TEX29: variants seen among roughly 807,000 people sequenced by gnomAD.
TEX29 encodes the protein testis-expressed protein 29.
A neutral mutation model predicts 18.2 loss-of-function variants in TEX29; 26 were observed. The ratio of observed to expected loss-of-function variants is 1.43; its 90% CI spans 1.04 to 1.98. TEX29 has a LOEUF of 1.98. Among genes scored for constraint, TEX29 ranks in the 30% most tolerant of loss-of-function variants. The pLI is 0.00. For synonymous variants in TEX29, 83 were observed against 78.5 expected (o/e 1.06, Z -0.31); for missense variants, 177 against 194.2 (o/e 0.91, Z 0.53).
chr13:111,331,241 A>G (rs932144238), intron 3 of TEX29, among the ~76,000 whole-genome samples: 13 of 150,926 alleles, frequency 8.6e-5, no homozygotes, highest in African/African-American at 3.2e-4. Flanking sequence ...AGCCATTGTA[A>G]TGGGTGTGAA....
chr13:111,318,077 G>C (rs1425510968), upstream of TEX29, among the ~76,000 whole-genome samples: 2 of 152,188 alleles, frequency 1.3e-5, no homozygotes, highest in Non-Finnish European at 2.9e-5. Flanking sequence ...TTCAGCCTGT[G>C]GTGATGGGGA....
rs1052986300 is a variant in TEX29, at chr13:111,325,406, T to C, written c.59-2777T>C. The stretch of plus-strand genomic sequence containing the variant: ...CTGGTGCCAGTGGCCGGGAGTCCAG[T>C]ACCTGTGCAGTGGGCGAGCTGCCAG... On this transcript the variant is annotated intron_variant, in intron 2 of 5. Transcript: ENST00000283547. Among the ~76,000 whole-genome samples the C allele has an allele frequency of 6.6e-5, 10 of 152,048 alleles. No homozygotes were observed. In the South Asian group the frequency reaches 1.0e-3, roughly 16 times the overall value.
upstream of TEX29, among the ~76,000 whole-genome samples, chr13:111,318,210 G>A (rs895734892): frequency 4.6e-5 from 7 of 152,128 alleles, no homozygotes; most frequent in African/African-American, 1.7e-4. Context: ...CCGTTACAGG[G>A]TTAATAGCTT....
intron 3 of TEX29, among the ~76,000 whole-genome samples, chr13:111,333,479 C>G (rs1403535908): frequency 5.3e-5 from 8 of 152,154 alleles, no homozygotes; most frequent in African/African-American, 1.9e-4. Context: ...ATTGTTTTGC[C>G]TGCTCAAATC....
intron 2 of TEX29, among the ~76,000 whole-genome samples, chr13:111,327,308 A>C (rs1440201296): frequency 6.6e-6 from 1 of 152,210 alleles, no homozygotes; most frequent in Admixed American, 6.5e-5. Flanking sequence ...TGAAAGACTA[A>C]ATCAACCCTA....
chr13:111,341,733 C>T (rs956697460), intron 4 of TEX29, among the ~76,000 whole-genome samples: 3 of 150,830 alleles, frequency 2.0e-5, no homozygotes, highest in African/African-American at 7.3e-5. Context: ...AATCATAACC[C>T]GTGTTTAGTG....
At chr13:111,317,133 G>T (rs142056086), upstream of TEX29, among the ~76,000 whole-genome samples, 1 of 151,940 alleles carries the variant, frequency 6.6e-6, no homozygotes, top group Non-Finnish European at 1.5e-5. Context: ...TTTAATTAAC[G>T]TATTTTATTC....
chr13:111,341,913 G>C (rs967948644), intron 4 of TEX29, among the ~76,000 whole-genome samples: 20 of 152,236 alleles, frequency 1.3e-4, no homozygotes, highest in African/African-American at 4.6e-4. Flanking sequence ...CGAGGCTGAT[G>C]GATGGGGCAG....
chr13:111,333,414 T>C (rs985382503), intron 3 of TEX29, among the ~76,000 whole-genome samples: 13 of 152,268 alleles, frequency 8.5e-5, no homozygotes, highest in African/African-American at 3.1e-4. Context: ...TTATATTTTC[T>C]TCCCTTCTGT....
chr13:111,338,603 C>A (rs937345888), intron 3 of TEX29, among the ~76,000 whole-genome samples: 1 of 152,118 alleles, frequency 6.6e-6, no homozygotes. Context: ...AGCAGTTTAG[C>A]AGGAGGGGAG....
intron 3 of TEX29, among the ~76,000 whole-genome samples, chr13:111,339,648 T>G (rs1286820522): frequency 6.6e-6 from 1 of 152,004 alleles, no homozygotes; most frequent in Non-Finnish European, 1.5e-5. Flanking sequence ...GGAGCTGCCT[T>G]TCACAGGGAG....
chr13:111,342,557 C>CAAAAAA (rs34305274), intron 4 of TEX29, among the ~76,000 whole-genome samples, 199 bp from the exon 5 acceptor site: 1 of 75,300 alleles, frequency 1.3e-5, no homozygotes, highest in African/African-American at 5.1e-5. Context: ...AAAACTGTCT[C>CAAAAAA]AAAAAAAAAA....
intron 4 of TEX29, 117 bp from the exon 5 acceptor site, chr13:111,342,639 G>C: frequency 4.8e-6 from 4 of 826,212 alleles, no homozygotes; most frequent in Non-Finnish European, 7.2e-6. Flanking sequence ...TAAAAAATAA[G>C]TATGCATGAT....
intron 2 of TEX29, among the ~76,000 whole-genome samples, chr13:111,325,974 T>C (rs1212959249): frequency 6.6e-6 from 1 of 152,252 alleles, no homozygotes; most frequent in African/African-American, 2.4e-5. Flanking sequence ...TGTGAGCAGA[T>C]GCCTCTGTGC....
Position 111,328,239 on chromosome 13 carries a change from C to A in TEX29, c.115C>A (p.Gln39Lys). 6.2e-7 allele frequency: 1 copy of A among 1,614,076 alleles called. No homozygotes were observed. Among genetic ancestry groups the A allele is most frequent in the African/African-American group, 1.3e-5 (1 of 75,046 alleles). Residue 39 changes from glutamine to lysine, a missense_variant, in exon 3 of 6, where the codon CAG becomes AAG. Coordinates refer to ENST00000283547, the MANE Select transcript of TEX29 (RefSeq NM_152324.3). ...CDYNVSRDRC[Q>K]ELGCCFYEGV... is the part of the protein sequence containing the mutation. The stretch of plus-strand genomic sequence containing the variant: ...CTACAACGTCTCCAGGGACCGATGC[C>A]AGGAGCTCGGGTGCTGCTTCTACGA...
At chr13:111,342,726 C>T in intron 4 of TEX29, 30 bp from the exon 5 acceptor site, 1 of 1,604,010 alleles carries the variant, frequency 6.2e-7, no homozygotes, top group Non-Finnish European at 8.5e-7. Context: ...TGTAACTTCC[C>T]TGACTGTGAT....
At chr13:111,337,672 G>A (rs1247597922) in intron 3 of TEX29, among the ~76,000 whole-genome samples, 13 of 152,108 alleles carry the variant, frequency 8.5e-5, no homozygotes, top group Admixed American at 8.5e-4. Context: ...ATATTTGGAG[G>A]TGAGTCTGCC....
chr13:111,331,137 G>T (rs1053390794), intron 3 of TEX29, among the ~76,000 whole-genome samples: 2 of 152,158 alleles, frequency 1.3e-5, no homozygotes, highest in African/African-American at 4.8e-5. Flanking sequence ...TGTTTTGCAA[G>T]GTGGCTAGAT....
intron 3 of TEX29, among the ~76,000 whole-genome samples, chr13:111,338,470 T>C (rs1288653626): frequency 6.6e-6 from 1 of 152,188 alleles, no homozygotes; most frequent in Non-Finnish European, 1.5e-5. Context: ...AACCATGAGA[T>C]GATCAATTTC....
Sources: gnomAD v4.1 joint callset for allele counts (sites outside exome capture counted in the v4.1 genomes callset) on GRCh38, gnomAD v4.1.1 for gene constraint, MANE v1.5 for transcripts, NCBI Gene and HGNC (gene_info 2026-07-23, HGNC 2026-07-21) for gene names.